The following ANO3 variants were observed in gnomAD, a reference collection of about 807,000 sequenced individuals.
ANO3 encodes the protein anoctamin 3, also known as anoctamin-3.
A neutral mutation model predicts 144.8 loss-of-function variants in ANO3; 99 were observed. That is an observed-to-expected ratio of 0.68 (90% confidence interval 0.58 to 0.81). The LOEUF is 0.81. ANO3 is among the 30% of genes least tolerant of loss of function. ANO3 has a pLI of 0.00. For missense variants in ANO3, 905 were observed against 1,202.2 expected (o/e 0.75, Z 3.66); for synonymous variants, 414 against 392.6 (o/e 1.05, Z -0.64).
chr11:26,494,492 T>G (rs114601467), intron 4 of ANO3, among the ~76,000 whole-genome samples: 1,831 of 152,232 alleles, frequency 0.012, 37 homozygotes, highest in African/African-American at 0.042. Context: ...CTCAGGTATT[T>G]CAACTACACC....
chr11:26,442,547 T>C (rs1252527587), intron 2 of ANO3, among the ~76,000 whole-genome samples: 1 of 152,192 alleles, frequency 6.6e-6, no homozygotes, highest in Non-Finnish European at 1.5e-5. Context: ...AAGATTTAGT[T>C]GGACAAGTGT....
intron 4 of ANO3, among the ~76,000 whole-genome samples, chr11:26,487,535 T>C (rs1016410765): frequency 6.6e-6 from 1 of 151,906 alleles, no homozygotes; most frequent in African/African-American, 2.4e-5. Flanking sequence ...GGGTAATAGG[T>C]GGAGGTCAGA....
chr11:26,429,855 A>G (rs1002267865), intron 1 of ANO3, among the ~76,000 whole-genome samples: 6 of 152,194 alleles, frequency 3.9e-5, no homozygotes, highest in Non-Finnish European at 7.3e-5. Context: ...ATAAAATAGA[A>G]TTATAGGAAA....
At chr11:26,387,380 G>A (rs540450100) in intron 1 of ANO3, among the ~76,000 whole-genome samples, 1 of 151,730 alleles carries the variant, frequency 6.6e-6, no homozygotes, top group African/African-American at 2.4e-5. Flanking sequence ...TTTTCATCTT[G>A]CCTTCTATGT....
intron 4 of ANO3, among the ~76,000 whole-genome samples, chr11:26,488,127 C>G (rs892334417): frequency 2.0e-4 from 30 of 152,118 alleles, no homozygotes; most frequent in African/African-American, 7.2e-4. Flanking sequence ...GATTGCACCA[C>G]TGCACTCCAG....
intron 17 of ANO3, among the ~76,000 whole-genome samples, chr11:26,608,754 T>A (rs541686599): frequency 6.6e-6 from 1 of 152,234 alleles, no homozygotes; most frequent in East Asian, 1.9e-4. Context: ...TGTGTTGGGC[T>A]GTGGGGGACA....
At chr11:26,353,954 A>G (rs1279771800) in intron 1 of ANO3, among the ~76,000 whole-genome samples, 1 of 152,214 alleles carries the variant, frequency 6.6e-6, no homozygotes, top group Non-Finnish European at 1.5e-5. Flanking sequence ...CAAAATTGAA[A>G]TCATTGCCTG....
At chr11:26,462,094 T>C (rs1338297933) in intron 3 of ANO3, among the ~76,000 whole-genome samples, 3 of 151,960 alleles carry the variant, frequency 2.0e-5, no homozygotes, top group African/African-American at 4.8e-5. Flanking sequence ...TTTTTAACCA[T>C]TATTTATAAA....
intron 17 of ANO3, among the ~76,000 whole-genome samples, chr11:26,612,003 C>T (rs186311711): frequency 2.8e-4 from 42 of 151,966 alleles, no homozygotes; most frequent in African/African-American, 9.9e-4. Flanking sequence ...GTCTTAATGG[C>T]GAGGTGAGTC....
At chr11:26,499,993 T>C (rs1274131694) in intron 4 of ANO3, among the ~76,000 whole-genome samples, 1 of 152,028 alleles carries the variant, frequency 6.6e-6, no homozygotes, top group African/African-American at 2.4e-5. Context: ...GCCCTAGGAA[T>C]TGATTAATCT....
At chr11:26,490,720 C>T (rs1285401080) in intron 4 of ANO3, among the ~76,000 whole-genome samples, 1 of 152,222 alleles carries the variant, frequency 6.6e-6, no homozygotes, top group Non-Finnish European at 1.5e-5. Context: ...AGACTTCCCA[C>T]ATGCCAACAA....
intron 1 of ANO3, among the ~76,000 whole-genome samples, chr11:26,392,484 C>G (rs770598254): frequency 6.6e-6 from 1 of 151,702 alleles, no homozygotes; most frequent in Non-Finnish European, 1.5e-5. Context: ...CTGAGGGAAC[C>G]ACTATTTTTA....
intron 4 of ANO3, among the ~76,000 whole-genome samples, chr11:26,502,559 G>C (rs1861239700): frequency 6.6e-6 from 1 of 152,000 alleles, no homozygotes; most frequent in Non-Finnish European, 1.5e-5. Flanking sequence ...TTTTATATGT[G>C]CTGGATAAAG....
chr11:26,492,506 T>C (rs1860750403), intron 4 of ANO3, among the ~76,000 whole-genome samples: 1 of 152,170 alleles, frequency 6.6e-6, no homozygotes, highest in African/African-American at 2.4e-5. Context: ...ATATGTTAGA[T>C]AGTGATTTAT....
intron 20 of ANO3, among the ~76,000 whole-genome samples, chr11:26,637,927 T>C (rs561117296): frequency 9.7e-4 from 147 of 152,314 alleles, no homozygotes; most frequent in Non-Finnish European, 1.5e-3. Flanking sequence ...CCCAAATATC[T>C]TGAATACTGC....
At chr11:26,571,877 T>C (rs1850841146) in intron 14 of ANO3, among the ~76,000 whole-genome samples, 1 of 152,148 alleles carries the variant, frequency 6.6e-6, no homozygotes, top group African/African-American at 2.4e-5. Context: ...CATTACTTAA[T>C]AAAACAACTA....
chr11:26,565,766 T>G lies in ANO3; in HGVS notation c.1447+5987T>G, dbSNP rs756656208. 4.3e-6 allele frequency: 7 copies of G among 1,613,380 alleles called. No individual in the cohort carries two copies. The South Asian group carries it at 6.6e-5, about 15-fold the overall frequency. On this transcript the variant is annotated intron_variant, in intron 14 of 26. Coordinates refer to ENST00000256737, the MANE Select transcript of ANO3 (RefSeq NM_031418.4). The stretch of plus-strand genomic sequence containing the variant: ...TAAAAACTTCTGCAATGTTCTGTGT[T>G]GTGTTTATGTCTTGATTTTCTTTTC...
At chr11:26,643,101 A>C in intron 22 of ANO3, 81 bp from the exon 23 acceptor site, 1 of 1,320,238 alleles carries the variant, frequency 7.6e-7, no homozygotes, top group Non-Finnish European at 1.1e-6. Context: ...TGTTGAAAGC[A>C]TTAAAAGCAA....
At chr11:26,475,101 AAG>A (rs1284304370) in intron 4 of ANO3, among the ~76,000 whole-genome samples, 1 of 151,978 alleles carries the variant, frequency 6.6e-6, no homozygotes, top group Non-Finnish European at 1.5e-5. Flanking sequence ...AATTGGTGGA[AAG>A]AGAATAATAT....
Sources: allele counts gnomAD v4.1 joint callset (sites outside exome capture counted in the v4.1 genomes callset), GRCh38; gene constraint gnomAD v4.1.1; transcripts MANE v1.5; gene names NCBI Gene and HGNC (gene_info 2026-07-23, HGNC 2026-07-21).